DNAJC6: variants seen among roughly 807,000 people sequenced by gnomAD.
DNAJC6 encodes the protein DnaJ heat shock protein family (Hsp40) member C6.
In DNAJC6, 34 loss-of-function variants were observed where a neutral mutation model predicts 110.0. The ratio of observed to expected loss-of-function variants is 0.31; its 90% CI spans 0.24 to 0.41. The LOEUF (loss-of-function observed/expected upper bound fraction) is 0.41. Among genes scored for constraint, DNAJC6 ranks in the 10% least tolerant of loss-of-function variants. The pLI, the probability that DNAJC6 is intolerant of heterozygous loss-of-function variation, is 1.00. For synonymous variants in DNAJC6, 406 were observed against 437.2 expected (o/e 0.93, Z 0.89); for missense variants, 1,031 against 1,207.8 (o/e 0.85, Z 2.17).
At position 65,266,466 on chromosome 1, in the gene DNAJC6, T is replaced by C. The variant is rs74080367; in HGVS notation, c.-131+1534T>C. On this transcript the variant is annotated intron_variant, in intron 1 of 19. Coordinates refer to the DNAJC6 transcript ENST00000263441. ...TCATTCACAGCCACGTATTGATCTA[T>C]GTGGTTTTGACGTTTAAATTTTAAT... Among the ~76,000 whole-genome samples, 824 of 152,290 alleles carry C rather than the reference T, an allele frequency of 5.4e-3. 2 individuals are homozygous for C. The highest frequency in any genetic ancestry group is 0.019 in the African/African-American group (797 of 41,556).
chr1:65,351,689 C>T (rs1311143083), intron 1 of DNAJC6, among the ~76,000 whole-genome samples: 2 of 152,196 alleles, frequency 1.3e-5, no homozygotes, highest in Non-Finnish European at 2.9e-5. Flanking sequence ...TAGAATACCA[C>T]ACCATAGCAG....
chr1:65,365,387 A>C (rs1162801015), intron 2 of DNAJC6, among the ~76,000 whole-genome samples: 1 of 152,162 alleles, frequency 6.6e-6, no homozygotes, highest in Non-Finnish European at 1.5e-5. Flanking sequence ...GCAGTTCTTA[A>C]TCAGAAATTC....
intron 1 of DNAJC6, among the ~76,000 whole-genome samples, chr1:65,337,951 A>G (rs904267800): frequency 2.0e-5 from 3 of 151,926 alleles, no homozygotes; most frequent in Admixed American, 1.3e-4. Flanking sequence ...CTTCTAACAC[A>G]CTCAAGTAGT....
chr1:65,283,746 G>T (rs369664090), intron 1 of DNAJC6, among the ~76,000 whole-genome samples: 1 of 152,138 alleles, frequency 6.6e-6, no homozygotes, highest in Admixed American at 6.5e-5. Flanking sequence ...TTCCAGAGGG[G>T]ATATACCATT....
intron 1 of DNAJC6, among the ~76,000 whole-genome samples, chr1:65,312,916 C>G (rs1645114482): frequency 1.3e-5 from 2 of 152,128 alleles, no homozygotes; most frequent in African/African-American, 4.8e-5. Context: ...TCTTGTGTTT[C>G]AGCCCCTCAA....
At position 65,401,847 on chromosome 1, in the gene DNAJC6, A is replaced by G; in HGVS notation, c.2194A>G (p.Thr732Ala). Reference sequence around the variant, plus strand: ...TCCCACCCATCAAAGCAAACCCCAGACTCTGGATCCTTTTGCCGACCTTGG... The same window carrying G: ...TCCCACCCATCAAAGCAAACCCCAGGCTCTGGATCCTTTTGCCGACCTTGG... Reference protein sequence around the residue: ...GTPTHQSKPQTLDPFADLGTL... With the variant: ...GTPTHQSKPQALDPFADLGTL... Residue 732 changes from threonine to alanine, a missense_variant, in exon 15 of 19, where the codon ACT (threonine) becomes GCT (alanine). Coordinates refer to ENST00000371069, the MANE Select transcript of DNAJC6 (RefSeq NM_001256864.2). 5.6e-6 allele frequency: 9 copies of G among 1,613,540 alleles called. No homozygotes were observed. The highest frequency in any genetic ancestry group is 7.6e-6 in the Non-Finnish European group (9 of 1,179,872).
Position 65,360,797 on chromosome 1 carries a change from C to T in DNAJC6, c.194-3838C>T, listed in dbSNP as rs561646822. On this transcript the variant is annotated intron_variant, in intron 1 of 18. Transcript: ENST00000371069. Reference sequence around the variant, plus strand: ...ATTCAGGGCTGTGAAGCAGTAGGGGCGACAGAGGCTCGGCTGCCTGCGTAA... The same window carrying T: ...ATTCAGGGCTGTGAAGCAGTAGGGGTGACAGAGGCTCGGCTGCCTGCGTAA... Among the ~76,000 whole-genome samples the T allele has an allele frequency of 6.6e-5, 10 of 152,170 alleles. 1 individual carries two copies. The South Asian group carries it at 2.1e-3, about 32-fold the overall frequency.
intron 11 of DNAJC6, among the ~76,000 whole-genome samples, chr1:65,391,370 A>G (rs1273812840): frequency 6.6e-6 from 1 of 152,186 alleles, no homozygotes; most frequent in Non-Finnish European, 1.5e-5. Context: ...CTGGCATTAA[A>G]TATCAAATTT....
chr1:65,383,515 GTCT>G (rs1645842378), intron 5 of DNAJC6, among the ~76,000 whole-genome samples: 1 of 152,154 alleles, frequency 6.6e-6, no homozygotes, highest in Non-Finnish European at 1.5e-5. Context: ...GCAGATGGCT[GTCT>G]TCTTGTTTTT....
intron 1 of DNAJC6, among the ~76,000 whole-genome samples, chr1:65,274,586 G>A (rs1653604288): frequency 6.6e-6 from 1 of 152,134 alleles, no homozygotes; most frequent in South Asian, 2.1e-4. Flanking sequence ...CAAAGTGCTG[G>A]GATTACAGGC....
At chr1:65,389,177 C>T in intron 9 of DNAJC6, 79 bp from the exon 10 acceptor site, 1 of 1,324,308 alleles carries the variant, frequency 7.6e-7, no homozygotes. Context: ...AAGAGTCAAC[C>T]TAAGATGACT....
At chr1:65,396,724 C>A (rs1645980645) in intron 13 of DNAJC6, among the ~76,000 whole-genome samples, 1 of 151,846 alleles carries the variant, frequency 6.6e-6, no homozygotes, top group African/African-American at 2.4e-5. Flanking sequence ...TTTTTGTCAT[C>A]TCTCTCTCTC....
At chr1:65,358,200 A>C (rs1057169419) in intron 1 of DNAJC6, among the ~76,000 whole-genome samples, 6 of 140,298 alleles carry the variant, frequency 4.3e-5, no homozygotes, top group East Asian at 2.1e-4. Flanking sequence ...AAAAAAAAAA[A>C]CAAAACCTAA....
chr1:65,300,168 T>C (rs1056318761), intron 1 of DNAJC6, among the ~76,000 whole-genome samples: 2 of 151,810 alleles, frequency 1.3e-5, no homozygotes, highest in Non-Finnish European at 2.9e-5. Context: ...AAATAATAAC[T>C]AAGTAGTTTG....
At chr1:65,314,619 A>C (rs1300723553) in intron 1 of DNAJC6, among the ~76,000 whole-genome samples, 2 of 152,024 alleles carry the variant, frequency 1.3e-5, no homozygotes, top group African/African-American at 4.8e-5. Context: ...CTCCTGAGTA[A>C]CTGGGATTAC....
chr1:65,412,747 CATT>C (rs903054138), intron 18 of DNAJC6, among the ~76,000 whole-genome samples, 174 bp from the exon 19 acceptor site: 1 of 151,908 alleles, frequency 6.6e-6, no homozygotes, highest in Admixed American at 6.6e-5. Context: ...AGGGGGAGGT[CATT>C]ATGGGGAGGT....
At chr1:65,280,499 G>A (rs1653811025) in intron 1 of DNAJC6, among the ~76,000 whole-genome samples, 2 of 152,176 alleles carry the variant, frequency 1.3e-5, no homozygotes, top group African/African-American at 2.4e-5. Context: ...ATATGTTTAC[G>A]TGTTAGGAGG....
chr1:65,298,881 C>G (rs1270126403), intron 1 of DNAJC6: 1 of 152,160 alleles, frequency 6.6e-6, no homozygotes, highest in Admixed American at 6.5e-5. Context: ...AGCTGCAACC[C>G]CAGGGTTATA....
At chr1:65,331,844 A>G (rs370016743) in intron 1 of DNAJC6, among the ~76,000 whole-genome samples, 10 of 152,174 alleles carry the variant, frequency 6.6e-5, no homozygotes, top group African/African-American at 2.4e-4. Context: ...CTCTTGGTTT[A>G]TTTTCTTTTC....
Sources: allele counts gnomAD v4.1 joint callset (sites outside exome capture counted in the v4.1 genomes callset), GRCh38; gene constraint gnomAD v4.1.1; transcripts MANE v1.5; gene names NCBI Gene and HGNC (gene_info 2026-07-23, HGNC 2026-07-21).